Variants in GLIPR1L2 observed in about 807,000 individuals in gnomAD.
GLIPR1L2 encodes GLIPR1-like protein 2.
In GLIPR1L2, 21 loss-of-function variants were observed where a neutral mutation model predicts 28.4. The ratio of observed to expected loss-of-function variants is 0.74; its 90% CI spans 0.52 to 1.06. GLIPR1L2 has a LOEUF of 1.06. Among genes scored for constraint, GLIPR1L2 ranks in the 50% least tolerant of loss-of-function variants. The pLI is 0.00. For synonymous variants in GLIPR1L2, 145 were observed against 139.3 expected, an observed-to-expected ratio of 1.04 and a Z score of -0.29; for missense variants, 476 against 416.9, an observed-to-expected ratio of 1.14 and a Z score of -1.23.
intron 5 of GLIPR1L2, 27 bp downstream of exon 5, chr12:75,430,768 G>C: frequency 6.5e-7 from 1 of 1,534,114 alleles, no homozygotes; most frequent in Non-Finnish European, 8.7e-7. Flanking sequence ...TTTATTTCTT[G>C]AACAATTGAA....
chr12:75,430,888 A>C lies in GLIPR1L2; in HGVS notation c.762A>C (p.Thr254=), dbSNP rs761600997. ...CAGTTGTGTGTGATCCACTGTGCACATTCATTTTATTATTGAGAATATTAT... is the reference window on the plus strand; with the variant it reads ...CAGTTGTGTGTGATCCACTGTGCACCTTCATTTTATTATTGAGAATATTAT... ...PRPVVCDPLC[T]FILLLRILCF... Residue 254 remains threonine (T), a synonymous_variant, in exon 6 of 6, where the codon ACA becomes ACC. Coordinates refer to ENST00000550916, the MANE Select transcript of GLIPR1L2 (RefSeq NM_001270396.2). 6.5e-7 allele frequency: 1 copy of C among 1,536,010 alleles called. No individual in the cohort carries two copies. Among genetic ancestry groups the C allele is most frequent in the South Asian group, 1.2e-5 (1 of 84,046 alleles).
At chr12:75,410,363 C>A in intron 1 of GLIPR1L2, 71 bp from the exon 2 acceptor site, 1 of 1,370,910 alleles carries the variant, frequency 7.3e-7, no homozygotes, top group South Asian at 1.6e-5. Flanking sequence ...CTAATGATAA[C>A]TCAAGAAAAA....
chr12:75,410,568 C>T lies in GLIPR1L2; in HGVS notation c.369C>T (p.Gly123=), dbSNP rs2045856414. The T allele has an allele frequency of 1.2e-6, 2 of 1,612,006 alleles. No individual in the cohort carries two copies. Among genetic ancestry groups the T allele is most frequent in the Non-Finnish European group, 1.7e-6 (2 of 1,178,850 alleles). The change falls in exon 2 of 6, where the codon GGC becomes GGT. Residue 123 remains glycine, a synonymous_variant. Transcript: ENST00000550916. ...GTATTGGTGAAAATATGTGGGTCGG[C>T]CCTGAAAATGAATTTACTGCAAGTA... The part of the protein sequence containing the change: ...FYGIGENMWV[G]PENEFTASIA...
rs2046096173 is a variant in GLIPR1L2, at chr12:75,431,911, A to C, written c.*750A>C. 1.3e-5 allele frequency: 2 copies of C among 152,124 alleles called. No individual in the cohort carries two copies. The highest frequency in any genetic ancestry group is 6.5e-5 in the Admixed American group (1 of 15,286). 9.4% of individuals were successfully genotyped at this position (152,124 alleles called of 1,614,324 possible). On this transcript the variant is annotated 3_prime_UTR_variant, in exon 6 of 6. Coordinates refer to ENST00000550916, the MANE Select transcript of GLIPR1L2 (RefSeq NM_001270396.2). ...AACTTGTTATTCAATAGGTATAGTA[A>C]AAGTTAACAGATTAATAAGATAACT... is the stretch of plus-strand genomic sequence containing the variant.
intron 2 of GLIPR1L2, among the ~76,000 whole-genome samples, chr12:75,411,221 A>G (rs2045863596): frequency 6.6e-6 from 1 of 151,854 alleles, no homozygotes; most frequent in Admixed American, 6.6e-5. Context: ...TAATTTATTT[A>G]TATGTCTGAT....
chr12:75,407,695 T>C (rs1365033568), intron 1 of GLIPR1L2, among the ~76,000 whole-genome samples: 1 of 152,140 alleles, frequency 6.6e-6, no homozygotes, highest in Non-Finnish European at 1.5e-5. Context: ...CTAATTTTGC[T>C]CATAGAAATG....
intron 1 of GLIPR1L2, among the ~76,000 whole-genome samples, chr12:75,402,181 T>C (rs1283899390): frequency 6.6e-6 from 1 of 152,164 alleles, no homozygotes; most frequent in Non-Finnish European, 1.5e-5. Flanking sequence ...TCAAGTGTTT[T>C]TCTAGCAAAA....
intron 4 of GLIPR1L2, among the ~76,000 whole-genome samples, chr12:75,424,624 A>AT (rs994593610): frequency 1.6e-4 from 24 of 149,830 alleles, no homozygotes; most frequent in South Asian, 6.4e-4. Context: ...TTTTTTTTTT[A>AT]TTTTTTGCAG....
At chr12:75,419,813 A>T (rs1012447883) in intron 3 of GLIPR1L2, among the ~76,000 whole-genome samples, 2 of 152,190 alleles carry the variant, frequency 1.3e-5, no homozygotes, top group Non-Finnish European at 2.9e-5. Context: ...GAGACAGAAA[A>T]ACAACAGAGT....
In GLIPR1L2 at chr12:75,410,684, G is replaced by C. The variant is rs1566070556; in HGVS notation, c.480+5G>C. The C allele has an allele frequency of 6.4e-7, 1 of 1,569,670 alleles. No homozygotes were observed. The highest frequency in any genetic ancestry group is 1.2e-5 in the South Asian group (1 of 84,812). ...GACTGTTCTAATTATATTCAGGTAT[G>C]TAATTTTTATTTTGTTATTAATTCA... On this transcript the variant is annotated splice_donor_5th_base_variant and intron_variant, in intron 2 of 5. Coordinates refer to ENST00000550916, the MANE Select transcript of GLIPR1L2 (RefSeq NM_001270396.2).
chr12:75,431,045 A>T lies in GLIPR1L2; in HGVS notation c.919A>T (p.Lys307Ter). 6.8e-7 allele frequency: 1 copy of T among 1,475,418 alleles called. No homozygotes were observed. The highest frequency in any genetic ancestry group is 9.2e-7 in the Non-Finnish European group (1 of 1,091,778). 91.4% of individuals were successfully genotyped at this position (1,475,418 alleles called of 1,614,324 possible). A position where few individuals can be genotyped will look rare whatever the true frequency, so the allele number is the denominator to read the frequency against. ...TGAAGAGGAGGAAAAAGAGGAAGAG[A>T]AGAAAGAGAAAGAGGAAATGGAAAT... ...GNEEEEKEEE[K>*]KEKEEMEMEI... The change falls in exon 6 of 6, where the codon AAG (lysine) becomes TAG (stop). Residue 307 changes from lysine to a stop codon, truncating the protein, a stop_gained. Coordinates refer to ENST00000550916, the MANE Select transcript of GLIPR1L2 (RefSeq NM_001270396.2). LOFTEE classifies it low-confidence loss of function (END_TRUNC).
chr12:75,420,136 A>T (rs115482830), intron 3 of GLIPR1L2, among the ~76,000 whole-genome samples: 1 of 152,202 alleles, frequency 6.6e-6, no homozygotes, highest in Non-Finnish European at 1.5e-5. Context: ...AGATGGAAAA[A>T]TCGACATCTG....
Position 75,431,007 on chromosome 12 carries a change from C to A in GLIPR1L2, c.881C>A (p.Ser294Tyr). The A allele has an allele frequency of 6.5e-7, 1 of 1,533,006 alleles. No homozygotes were observed. Among genetic ancestry groups the A allele is most frequent in the Non-Finnish European group, 8.7e-7 (1 of 1,145,404 alleles). 95.0% of individuals were successfully genotyped at this position (1,533,006 alleles called of 1,614,324 possible). A position where few individuals can be genotyped will look rare whatever the true frequency, so the allele number is the denominator to read the frequency against. The change falls in exon 6 of 6, where the codon TCT becomes TAT. Residue 294 changes from serine to tyrosine, a missense_variant. Physicochemically the swap from Ser to Tyr is moderately radical, Grantham distance 144. Coordinates refer to ENST00000550916, the MANE Select transcript of GLIPR1L2 (RefSeq NM_001270396.2). ...EQQMIFTPEE[S>Y]EAGNEEEEKE... ...CAAATGATATTTACCCCTGAGGAAT[C>A]TGAAGCAGGGAATGAAGAGGAGGAA...
intron 1 of GLIPR1L2, among the ~76,000 whole-genome samples, chr12:75,406,744 CA>C (rs2045804587): frequency 8.6e-6 from 1 of 116,782 alleles, no homozygotes; most frequent in Non-Finnish European, 1.7e-5. Context: ...GGCAACAGAG[CA>C]AGTCCCTATC....
In GLIPR1L2 at chr12:75,413,590, T is replaced by C. The variant is rs1213007459; in HGVS notation, c.481-8T>C. On this transcript the variant is annotated splice_polypyrimidine_tract_variant and splice_region_variant and intron_variant, in intron 2 of 5. Transcript: ENST00000550916. ...AATTTTGTGTCTTTCTTGAAAATTT[T>C]ATTTTAGCTTGTTTGGGACCACTCT... 1 of 1,503,560 alleles carries C rather than the reference T, an allele frequency of 6.7e-7. No individual in the cohort carries two copies. Among genetic ancestry groups the C allele is most frequent in the Non-Finnish European group, 9.0e-7 (1 of 1,115,112 alleles). 93.1% of individuals were successfully genotyped at this position (1,503,560 alleles called of 1,614,324 possible). A position where few individuals can be genotyped will look rare whatever the true frequency, so the allele number is the denominator to read the frequency against.
chr12:75,427,497 A>T (rs986501378), intron 4 of GLIPR1L2, among the ~76,000 whole-genome samples: 1 of 152,218 alleles, frequency 6.6e-6, no homozygotes, highest in Non-Finnish European at 1.5e-5. Context: ...CTTAACAATG[A>T]GTTCTAAATT....
At chr12:75,412,931 A>C (rs2045884112) in intron 2 of GLIPR1L2, among the ~76,000 whole-genome samples, 1 of 152,076 alleles carries the variant, frequency 6.6e-6, no homozygotes, top group Non-Finnish European at 1.5e-5. Flanking sequence ...AATAGCAAAG[A>C]CTTGGAACCA....
At position 75,427,639 on chromosome 12, in the gene GLIPR1L2, T is replaced by C. The variant is rs547181618; in HGVS notation, c.671-3076T>C. Among the ~76,000 whole-genome samples, 5 of 152,326 alleles carry C rather than the reference T, an allele frequency of 3.3e-5. No homozygotes were observed. In the South Asian group the frequency reaches 1.0e-3, roughly 32 times the overall value. On this transcript the variant is annotated intron_variant, in intron 4 of 5. Transcript: ENST00000550916. ...ATTGGTTATCTGACCATCATATTGT[T>C]TAGCTCTGTGTCCCCACCCAAATAT...
At chr12:75,405,286 A>T (rs1356198632) in intron 1 of GLIPR1L2, among the ~76,000 whole-genome samples, 1 of 152,200 alleles carries the variant, frequency 6.6e-6, no homozygotes, top group Admixed American at 6.5e-5. Flanking sequence ...ACTGCTTGAG[A>T]CCATCACTAC....
Sources: gnomAD v4.1 joint callset for allele counts (sites outside exome capture counted in the v4.1 genomes callset) on GRCh38, gnomAD v4.1.1 for gene constraint, MANE v1.5 for transcripts, NCBI Gene and HGNC (gene_info 2026-07-23, HGNC 2026-07-21) for gene names.